Variants in DHX34 observed in about 807,000 individuals in gnomAD.
DHX34 encodes DExH-box helicase 34, also known as probable ATP-dependent RNA helicase DHX34.
In DHX34, 96 loss-of-function variants were observed where a neutral mutation model predicts 111.1. The observed-to-expected ratio is 0.86, with a 90% CI of 0.73 to 1.02. The LOEUF is 1.02. Among genes scored for constraint, DHX34 ranks in the 50% least tolerant of loss-of-function variants. The pLI, the probability that DHX34 is intolerant of heterozygous loss-of-function variation, is 0.00. For missense variants in DHX34, 1,560 were observed against 1,579.9 expected, an observed-to-expected ratio of 0.99 and a Z score of 0.21; for synonymous variants, 688 against 670.4, an observed-to-expected ratio of 1.03 and a Z score of -0.41.
At position 47,375,291 on chromosome 19, in the gene DHX34, C is replaced by G. The variant is rs1024234755; in HGVS notation, c.2065-175C>G. The G allele has an allele frequency of 5.1e-6, 5 of 985,346 alleles. No homozygotes were observed. In the Admixed American group the frequency reaches 3.1e-4, roughly 61 times the overall value. 61.0% of individuals were successfully genotyped at this position (985,346 alleles called of 1,614,324 possible). On this transcript the variant is annotated intron_variant, in intron 9 of 16. Coordinates refer to ENST00000328771, the MANE Select transcript of DHX34 (RefSeq NM_014681.6). Reference sequence around the variant, plus strand: ...TGGCCCCGGTGTTCCCTCCACTGACCAGCGAGGACAGCTCTCTCTCTGGAG... The same window carrying G: ...TGGCCCCGGTGTTCCCTCCACTGACGAGCGAGGACAGCTCTCTCTCTGGAG...
intron 6 of DHX34, among the ~76,000 whole-genome samples, chr19:47,363,243 C>T (rs527314302): frequency 6.6e-5 from 10 of 152,056 alleles, no homozygotes; most frequent in Admixed American, 3.3e-4. Flanking sequence ...CATGAGCCAC[C>T]GCGCCCGGCC....
Position 47,372,786 on chromosome 19 carries a change from G to A in DHX34, c.1825G>A (p.Ala609Thr). The A allele has an allele frequency of 3.1e-6, 5 of 1,612,586 alleles. No individual in the cohort carries two copies. The highest frequency in any genetic ancestry group is 1.7e-4 in the Middle Eastern group (1 of 6,056). ...FSLVEPVLTIAAALSVQSPFT... is the reference protein window; with the variant it reads ...FSLVEPVLTITAALSVQSPFT... ...CCTGGTGGAGCCTGTGCTCACCATC[G>A]CAGCCGCACTTAGCGTCCAGTCGCC... is the stretch of plus-strand genomic sequence containing the variant. The change falls in exon 8 of 17, where the codon GCA (alanine) becomes ACA (threonine). Residue 609 changes from alanine to threonine, a missense_variant. Physicochemically the swap from Ala to Thr is moderately conservative, Grantham distance 58. Transcript: ENST00000328771.
intron 16 of DHX34, chr19:47,381,779 G>C (rs930182339): frequency 2.7e-5 from 23 of 865,254 alleles, no homozygotes; most frequent in East Asian, 1.2e-4. Context: ...CTTTCTCTCT[G>C]TCTCTCTCAC....
chr19:47,377,891 A>G (rs1970221315), intron 13 of DHX34, among the ~76,000 whole-genome samples: 1 of 152,000 alleles, frequency 6.6e-6, no homozygotes, highest in African/African-American at 2.4e-5. Flanking sequence ...CAGCAGAGCC[A>G]TGGGCCCCAT....
intron 12 of DHX34, 165 bp from the exon 13 acceptor site, chr19:47,376,935 T>C: frequency 6.5e-7 from 1 of 1,537,324 alleles, no homozygotes; most frequent in Non-Finnish European, 8.7e-7. Context: ...GTGCTGGGAG[T>C]CACATTCAGA....
At position 47,372,847 on chromosome 19, in the gene DHX34, C is replaced by A. The variant is rs757571289; in HGVS notation, c.1886C>A (p.Ala629Glu). 11 of 1,611,870 alleles carry A rather than the reference C, an allele frequency of 6.8e-6. No homozygotes were observed. Among genetic ancestry groups the A allele is most frequent in the Non-Finnish European group, 9.3e-6 (11 of 1,179,312 alleles). The change falls in exon 8 of 17, where the codon GCG becomes GAG. Residue 629 changes from alanine to glutamate, a missense_variant. Ala to Glu is a moderately radical substitution (Grantham distance 107, BLOSUM62 -1). Transcript: ENST00000328771. ...AGCGCCCAGAGCAGCCCAGAGTGCG[C>A]GGCAGCACGGCGGCCGCTGGAGAGC... Reference protein sequence around the residue: ...TRSAQSSPECAAARRPLESDQ... With the variant: ...TRSAQSSPECEAARRPLESDQ...
At chr19:47,377,316 T>C in intron 13 of DHX34, 110 bp downstream of exon 13, 4 of 1,179,626 alleles carry the variant, frequency 3.4e-6, no homozygotes, top group Non-Finnish European at 4.8e-6. Context: ...GCACCTGGGC[T>C]GGCCGCAGGC....
chr19:47,380,751 T>C, intron 14 of DHX34, 65 bp from the exon 15 acceptor site: 1 of 1,601,362 alleles, frequency 6.2e-7, no homozygotes, highest in Non-Finnish European at 8.5e-7. Context: ...CACAGCTGGA[T>C]CCAGGTGCTT....
chr19:47,372,320 C>T (rs1049585209), intron 7 of DHX34, among the ~76,000 whole-genome samples: 3 of 152,052 alleles, frequency 2.0e-5, no homozygotes, highest in African/African-American at 7.2e-5. Context: ...AGGTGACACT[C>T]TAGCGCGGAG....
intron 7 of DHX34, among the ~76,000 whole-genome samples, chr19:47,368,410 G>C (rs530354050): frequency 7.2e-6 from 1 of 138,428 alleles, no homozygotes; most frequent in Non-Finnish European, 1.5e-5. Context: ...GAGTTCAAGC[G>C]ATTCTCCTGC....
At chr19:47,381,584 T>C in intron 16 of DHX34, 2 of 598,512 alleles carry the variant, frequency 3.3e-6, no homozygotes, top group South Asian at 4.6e-5. Context: ...TTTCTGTCTC[T>C]CTGTGGCTAT....
chr19:47,368,706 A>G (rs1336540579), intron 7 of DHX34, among the ~76,000 whole-genome samples: 1 of 148,182 alleles, frequency 6.7e-6, no homozygotes, highest in African/African-American at 2.5e-5. Flanking sequence ...ATACACACAC[A>G]TATATATATG....
chr19:47,372,905 C>G lies in DHX34; in HGVS notation c.1944C>G (p.Val648=). The G allele has an allele frequency of 6.2e-7, 1 of 1,602,476 alleles. No individual in the cohort carries two copies. The highest frequency in any genetic ancestry group is 8.5e-7 in the Non-Finnish European group (1 of 1,177,976). ...GTGACCCCTTCACGCTCTTCAACGT[C>G]TTCAACGCCTGGGTGCAGGTGAGGC... ...DQGDPFTLFN[V]FNAWVQVKSE... is the part of the protein sequence containing the mutation. The change falls in exon 8 of 17, where the codon GTC becomes GTG. Residue 648 remains valine (V), a synonymous_variant. Transcript: ENST00000328771.
intron 8 of DHX34, 34 bp from the exon 9 acceptor site, chr19:47,373,565 G>A (rs559260481): frequency 1.9e-6 from 3 of 1,604,638 alleles, no homozygotes; most frequent in Admixed American, 3.4e-5. Context: ...CACTGGCCAG[G>A]CCCTGACACC....
chr19:47,351,702 G>A (rs1255993979), intron 1 of DHX34, among the ~76,000 whole-genome samples: 2 of 152,196 alleles, frequency 1.3e-5, no homozygotes, highest in Non-Finnish European at 2.9e-5. Context: ...GCAACCGAGT[G>A]TAAATTCCAC....
chr19:47,376,761 T>G (rs1970176250), intron 12 of DHX34: 5 of 1,442,088 alleles, frequency 3.5e-6, no homozygotes, highest in Non-Finnish European at 4.6e-6. Flanking sequence ...ACCTTCCGCA[T>G]GGTGGTGATA....
chr19:47,374,077 G>A (rs1049925561), intron 9 of DHX34, among the ~76,000 whole-genome samples: 11 of 152,144 alleles, frequency 7.2e-5, no homozygotes, highest in African/African-American at 2.2e-4. Context: ...TTCTGACAGC[G>A]TGGCCCCGGG....
intron 13 of DHX34, among the ~76,000 whole-genome samples, chr19:47,378,945 T>C (rs149656033): frequency 0.013 from 1,973 of 150,778 alleles, 35 homozygotes; most frequent in South Asian, 0.061. Context: ...GCCTAGCCAA[T>C]GTGGTGAAAC....
At chr19:47,358,984 T>G (rs1969544524) in intron 4 of DHX34, among the ~76,000 whole-genome samples, 4 of 151,710 alleles carry the variant, frequency 2.6e-5, no homozygotes, top group Non-Finnish European at 5.9e-5. Context: ...GGTTTCAAAC[T>G]CCTGAGCTCA....
Sources: gnomAD v4.1 joint callset for allele counts (sites outside exome capture counted in the v4.1 genomes callset) on GRCh38, gnomAD v4.1.1 for gene constraint, MANE v1.5 for transcripts, NCBI Gene and HGNC (gene_info 2026-07-23, HGNC 2026-07-21) for gene names.